The following RASAL2 variants were observed in gnomAD, a reference collection of about 807,000 sequenced individuals.
The protein encoded by RASAL2 is RAS protein activator like 2.
In RASAL2, 58 loss-of-function variants were observed where a neutral mutation model predicts 128.9. The observed-to-expected ratio is 0.45, with a 90% CI of 0.36 to 0.56. The LOEUF (loss-of-function observed/expected upper bound fraction) is 0.56. Among genes scored for constraint, RASAL2 ranks in the 20% least tolerant of loss-of-function variants. The pLI, the probability that RASAL2 is intolerant of heterozygous loss-of-function variation, is 0.00. For synonymous variants in RASAL2, 561 were observed against 580.8 expected, an observed-to-expected ratio of 0.97 and a Z score of 0.49; for missense variants, 1,360 against 1,601.6, an observed-to-expected ratio of 0.85 and a Z score of 2.57.
intron 1 of RASAL2, among the ~76,000 whole-genome samples, chr1:178,154,054 T>C (rs536751457): frequency 1.2e-4 from 18 of 152,212 alleles, no homozygotes; most frequent in South Asian, 2.1e-4. Context: ...CAGGCTGGTC[T>C]TGAACTCCTG....
chr1:178,211,902 A>G (rs1341265980), intron 1 of RASAL2, among the ~76,000 whole-genome samples: 1 of 152,230 alleles, frequency 6.6e-6, no homozygotes, highest in African/African-American at 2.4e-5. Context: ...GAGGGAATAT[A>G]GAATGCATTG....
intron 3 of RASAL2, among the ~76,000 whole-genome samples, chr1:178,315,744 T>G (rs1161513337): frequency 1.4e-5 from 2 of 145,068 alleles, no homozygotes; most frequent in Non-Finnish European, 3.0e-5. Flanking sequence ...GTAGGTTGCC[T>G]GTTCACTCTG....
At chr1:178,167,042 A>G (rs956741945) in intron 1 of RASAL2, among the ~76,000 whole-genome samples, 1 of 152,128 alleles carries the variant, frequency 6.6e-6, no homozygotes, top group Non-Finnish European at 1.5e-5. Context: ...TTATTACTCA[A>G]AATGTTCAAA....
intron 1 of RASAL2, among the ~76,000 whole-genome samples, chr1:178,189,167 T>C (rs1215172858): frequency 6.6e-6 from 1 of 152,226 alleles, no homozygotes; most frequent in Admixed American, 6.5e-5. Flanking sequence ...TTATGGCTAA[T>C]CATTATGGCA....
At chr1:178,131,060 CAAACAAAAAAA>C (rs1346877528) in intron 1 of RASAL2, among the ~76,000 whole-genome samples, 81 of 140,958 alleles carry the variant, frequency 5.7e-4, no homozygotes, top group African/African-American at 2.0e-3. Context: ...GTCTCAAAAA[CAAACAAAAAAA>C]AAACAAAAAA....
chr1:178,361,444 G>T (rs1424091372), intron 3 of RASAL2, among the ~76,000 whole-genome samples: 1 of 152,020 alleles, frequency 6.6e-6, no homozygotes, highest in Non-Finnish European at 1.5e-5. Context: ...AAACATTTCT[G>T]TAATAATGTA....
At chr1:178,328,217 C>T (rs980612200) in intron 3 of RASAL2, among the ~76,000 whole-genome samples, 1 of 151,996 alleles carries the variant, frequency 6.6e-6, no homozygotes. Context: ...TGAATCTGCT[C>T]TTTTTAATTG....
intron 1 of RASAL2, among the ~76,000 whole-genome samples, chr1:178,164,500 T>TGTGTGTGC (rs1455176972): frequency 1.4e-5 from 2 of 145,312 alleles, no homozygotes; most frequent in Non-Finnish European, 3.0e-5. Flanking sequence ...TGTGTGTGTG[T>TGTGTGTGC]GTGTGCGTGT....
intron 3 of RASAL2, among the ~76,000 whole-genome samples, chr1:178,326,288 G>A (rs879928663): frequency 1.3e-5 from 2 of 151,920 alleles, no homozygotes; most frequent in African/African-American, 2.4e-5. Flanking sequence ...TTCCCATCAG[G>A]GAATAAGAGA....
At chr1:178,157,057 A>G (rs894011250) in intron 1 of RASAL2, among the ~76,000 whole-genome samples, 4 of 152,140 alleles carry the variant, frequency 2.6e-5, no homozygotes, top group Non-Finnish European at 4.4e-5. Flanking sequence ...ATCTAGTGTT[A>G]GTACTCATTT....
intron 1 of RASAL2, among the ~76,000 whole-genome samples, chr1:178,207,455 A>G (rs1458988861): frequency 6.6e-6 from 1 of 152,206 alleles, no homozygotes; most frequent in Non-Finnish European, 1.5e-5. Context: ...TAATCTGGTG[A>G]TAATTTAAAA....
At chr1:178,197,611 G>GGAAAAAAA (rs756385055) in intron 1 of RASAL2, among the ~76,000 whole-genome samples, 1 of 94,252 alleles carries the variant, frequency 1.1e-5, no homozygotes, top group African/African-American at 3.4e-5. Flanking sequence ...TCCATCTGGG[G>GGAAAAAAA]AAAAAAAAAA....
At chr1:178,433,512 A>T (rs1047672649) in intron 5 of RASAL2, among the ~76,000 whole-genome samples, 2 of 152,124 alleles carry the variant, frequency 1.3e-5, no homozygotes, top group Non-Finnish European at 2.9e-5. Context: ...CATAATGCAC[A>T]CCAGGTAATT....
intron 1 of RASAL2, among the ~76,000 whole-genome samples, chr1:178,122,276 G>A (rs1166407294): frequency 1.3e-5 from 2 of 152,156 alleles, no homozygotes; most frequent in African/African-American, 4.8e-5. Context: ...TTTGTCTGGT[G>A]TAAGAAAAAA....
intron 1 of RASAL2, chr1:178,121,094 A>G (rs1659701888): frequency 6.6e-6 from 1 of 152,194 alleles, no homozygotes; most frequent in African/African-American, 2.4e-5. Flanking sequence ...CCAGGTGAGT[A>G]TCGTCAGACT....
rs375465779 is a variant in RASAL2 at position 178,464,459 on chromosome 1, G to A, written c.3387+47G>A. 5 of 1,599,050 alleles carry A rather than the reference G, an allele frequency of 3.1e-6. No individual in the cohort carries two copies. In the African/African-American group the frequency reaches 6.7e-5, roughly 21 times the overall value. On this transcript the variant is annotated intron_variant, in intron 15 of 17. Coordinates refer to ENST00000367649, the MANE Select transcript of RASAL2 (RefSeq NM_170692.4). ...CAACTTTCTGATCCCAAAATGACAGGCCACTAAAAAGGTTATCTAGCTAAG... is the reference window on the plus strand; with the variant it reads ...CAACTTTCTGATCCCAAAATGACAGACCACTAAAAAGGTTATCTAGCTAAG...
chr1:178,098,339 T>C (rs1658766937), intron 1 of RASAL2, among the ~76,000 whole-genome samples: 1 of 152,204 alleles, frequency 6.6e-6, no homozygotes, highest in South Asian at 2.1e-4. Context: ...CAGCTAAATA[T>C]GGATACAGAA....
intron 1 of RASAL2, among the ~76,000 whole-genome samples, chr1:178,110,938 A>G (rs971374927): frequency 1.3e-5 from 2 of 151,834 alleles, no homozygotes; most frequent in African/African-American, 4.8e-5. Context: ...CATTTTTTAT[A>G]GTTGTGTTTT....
intron 4 of RASAL2, among the ~76,000 whole-genome samples, chr1:178,414,941 A>G (rs1674657342): frequency 6.6e-6 from 1 of 152,196 alleles, no homozygotes; most frequent in African/African-American, 2.4e-5. Flanking sequence ...TTTATTTCTA[A>G]TATAAGTCAT....
Sources: allele counts gnomAD v4.1 joint callset (sites outside exome capture counted in the v4.1 genomes callset), GRCh38; gene constraint gnomAD v4.1.1; transcripts MANE v1.5; gene names NCBI Gene and HGNC (gene_info 2026-07-23, HGNC 2026-07-21).